The following MKI67 variants were observed in gnomAD, a reference collection of about 807,000 sequenced individuals.
MKI67 encodes the protein proliferation marker protein Ki-67.
MKI67 carries 152 observed loss-of-function variants against 233.5 expected under a neutral mutation model. That is an observed-to-expected ratio of 0.65 (90% CI 0.57 to 0.74). The LOEUF is 0.74. Ranked by LOEUF, MKI67 falls within the 30% of genes least tolerant of loss-of-function variation. The pLI, the probability that MKI67 is intolerant of heterozygous loss-of-function variation, is 0.00. For missense variants in MKI67, 3,940 were observed against 3,885.2 expected, an observed-to-expected ratio of 1.01 and a Z score of -0.37; for synonymous variants, 1,465 against 1,418.5, an observed-to-expected ratio of 1.03 and a Z score of -0.74.
At position 128,105,298 on chromosome 10, in the gene MKI67, G is replaced by A; in HGVS notation, c.6542C>T (p.Pro2181Leu). The stretch of plus-strand genomic sequence containing the variant: ...TTGGGCTTTTCCCTTAGGAGTTCTT[G>A]GCTGCCTCTTGCTACCAGTTACACT... The part of the protein sequence containing the change: ...AASVTGSKRQ[P>L]RTPKGKAQPL... Residue 2181 changes from proline (P) to leucine (L), a missense_variant, in exon 13 of 15, where the codon CCA becomes CTA. By Grantham distance (98) the Pro-to-Leu change is moderately conservative (BLOSUM62 -3). Transcript: ENST00000368654. 4 of 1,614,092 alleles carry A rather than the reference G, an allele frequency of 2.5e-6. No individual in the cohort carries two copies. In the East Asian group the frequency reaches 8.9e-5, roughly 36 times the overall value.
Position 128,106,317 on chromosome 10 carries a change from T to C in MKI67, c.5523A>G (p.Thr1841=). The change falls in exon 13 of 15, where the codon ACA becomes ACG. Residue 1841 remains threonine, a synonymous_variant. Transcript: ENST00000368654. ...CAGTCGTGGGGTTATCAGTGCATGG[T>C]GTCTGGAAAAGCTCTCTGAAGCCAG... ...ELTGFRELFQ[T]PCTDNPTTDE... is the part of the protein sequence containing the mutation. The C allele has an allele frequency of 6.2e-7, 1 of 1,614,032 alleles. No individual in the cohort carries two copies. The highest frequency in any genetic ancestry group is 1.3e-5 in the African/African-American group (1 of 74,962).
At chr10:128,117,774 T>C (rs1852838589) in intron 5 of MKI67, among the ~76,000 whole-genome samples, 1 of 152,258 alleles carries the variant, frequency 6.6e-6, no homozygotes, top group South Asian at 2.1e-4. Context: ...AAATTATGAA[T>C]ATGTAAAGTA....
chr10:128,107,832 A>G lies in MKI67; in HGVS notation c.4008T>C (p.Pro1336=), dbSNP rs776287862. The G allele has an allele frequency of 3.1e-6, 5 of 1,613,254 alleles. No individual in the cohort carries two copies. The African/African-American group carries it at 4.0e-5, about 13-fold the overall frequency. The change falls in exon 13 of 15, where the codon CCT becomes CCC. Residue 1336 remains proline, a synonymous_variant. Coordinates refer to ENST00000368654, the MANE Select transcript of MKI67 (RefSeq NM_002417.5). ...LTGSKRRPQT[P]KEEAQALEDL... ...CTTCCAGAGCCTGGGCCTCTTCCTTAGGAGTTTGTGGCCGTCTCTTGCTGC... is the reference window on the plus strand; with the variant it reads ...CTTCCAGAGCCTGGGCCTCTTCCTTGGGAGTTTGTGGCCGTCTCTTGCTGC...
In MKI67 at chr10:128,110,508, T is replaced by C. The variant is rs761489700; in HGVS notation, c.2286A>G (p.Pro762=). 20 of 1,564,102 alleles carry C rather than the reference T, an allele frequency of 1.3e-5. 2 individuals carry two copies. The South Asian group carries it at 2.1e-4, about 16-fold the overall frequency. ...LSGIAEMFKT[P]VKEQPQLTST... ...TTGTCAACTGCGGTTGCTCCTTCAC[T>C]GGGGTCTTGAACATTTCAGCTATTC... The change falls in exon 12 of 15, where the codon CCA becomes CCG. Residue 762 remains proline, a synonymous_variant. Coordinates refer to ENST00000368654, the MANE Select transcript of MKI67 (RefSeq NM_002417.5).
In MKI67 at chr10:128,099,261, T is replaced by C; in HGVS notation, c.9706-6A>G. ...ACACACACATTGTCCTCAGCCTGTG[T>C]GGGAAGAAAAAAAATAGAACTCTTA... On this transcript the variant is annotated splice_polypyrimidine_tract_variant and splice_region_variant and intron_variant, in intron 14 of 14. Coordinates refer to ENST00000368654, the MANE Select transcript of MKI67 (RefSeq NM_002417.5). 1 of 1,609,002 alleles carries C rather than the reference T, an allele frequency of 6.2e-7. No individual in the cohort carries two copies. The highest frequency in any genetic ancestry group is 1.3e-5 in the African/African-American group (1 of 74,734).
chr10:128,101,701 C>A lies in MKI67; in HGVS notation c.9262G>T (p.Gly3088Ter). Residue 3088 changes from glycine to a stop codon, truncating the protein, a stop_gained and splice_region_variant, in exon 14 of 15, where the codon GGA (glycine) becomes TGA (stop). Transcript: ENST00000368654. LOFTEE classifies it high-confidence loss of function. ...KLQDSVPENKGISLRSRRQNK... is the reference protein window; with the variant it reads ...KLQDSVPENK The stretch of plus-strand genomic sequence containing the variant: ...TGGCGTCTGGAGCGCAGGGATATTC[C>A]CTAAAGAAATGAGAAGACATCCACA... 6.4e-7 allele frequency: 1 copy of A among 1,568,570 alleles called. No individual in the cohort carries two copies. The highest frequency in any genetic ancestry group is 8.6e-7 in the Non-Finnish European group (1 of 1,162,146).
intron 5 of MKI67, among the ~76,000 whole-genome samples, chr10:128,117,356 C>G (rs1247908416): frequency 6.6e-6 from 1 of 152,216 alleles, no homozygotes; most frequent in Non-Finnish European, 1.5e-5. Context: ...TAGATTCACC[C>G]TAGGTAAATT....
rs1379263417 is a variant in MKI67 at position 128,105,637 on chromosome 10, T to TCCTTAGGTGTTCTTGGCCA, written c.6184_6202dup (p.Glu2068ValfsTer6). On this transcript the variant is annotated stop_gained and frameshift_variant, in exon 13 of 15. Transcript: ENST00000368654. LOFTEE classifies it high-confidence loss of function. ...CAGGTCTTCTAGTGATTGGGCCTCT[T>TCCTTAGGTGTTCTTGGCCA]CCTTAGGTGTTCTTGGCCACCTCTC... 15 of 1,613,354 alleles carry TCCTTAGGTGTTCTTGGCCA rather than the reference T, an allele frequency of 9.3e-6. No homozygotes were observed. The highest frequency in any genetic ancestry group is 1.3e-5 in the Non-Finnish European group (15 of 1,179,878).
In MKI67 at chr10:128,106,956, G is replaced by A; in HGVS notation, c.4884C>T (p.Ser1628=). 5 of 1,614,134 alleles carry A rather than the reference G, an allele frequency of 3.1e-6. No individual in the cohort carries two copies. Among genetic ancestry groups the A allele is most frequent in the East Asian group, 2.2e-5 (1 of 44,868 alleles). ...SQPDPDKNPA[S]SKRRLKTSLG... ...GGGATGTCTTGAGCCGTCGCTTGGAGCTTGCTGGGTTTTTGTCTGGGTCTG... is the reference window on the plus strand; with the variant it reads ...GGGATGTCTTGAGCCGTCGCTTGGAACTTGCTGGGTTTTTGTCTGGGTCTG... Residue 1628 remains serine, a synonymous_variant, in exon 13 of 15, where the codon AGC becomes AGT. Coordinates refer to ENST00000368654, the MANE Select transcript of MKI67 (RefSeq NM_002417.5).
chr10:128,105,216 G>C lies in MKI67; in HGVS notation c.6624C>G (p.Asp2208Glu), dbSNP rs755971123. The C allele has an allele frequency of 1.7e-5, 28 of 1,613,658 alleles. No individual in the cohort carries two copies. In the South Asian group the frequency reaches 2.4e-4, roughly 14 times the overall value. ...KELFQTPICT[D>E]KPTTHEKTTK... The stretch of plus-strand genomic sequence containing the variant: ...TAGTTTTCTCATGAGTCGTGGGCTT[G>C]TCAGTGCATATTGGTGTCTGGAAGA... Residue 2208 changes from aspartate (D) to glutamate (E), a missense_variant, in exon 13 of 15, where the codon GAC becomes GAG. Coordinates refer to ENST00000368654, the MANE Select transcript of MKI67 (RefSeq NM_002417.5).
chr10:128,105,692 G>A lies in MKI67; in HGVS notation c.6148C>T (p.Leu2050=), dbSNP rs748999791. 1.6e-5 allele frequency: 26 copies of A among 1,614,072 alleles called. No homozygotes were observed. Among genetic ancestry groups the A allele is most frequent in the Non-Finnish European group, 2.1e-5 (25 of 1,180,028 alleles). Residue 2050 remains leucine, a synonymous_variant, in exon 13 of 15, where the codon CTG becomes TTG. Transcript: ENST00000368654. ...KAFKESAKQM[L]DPANYGTGME... ...CCAGTTCCATAGTTTGCTGGGTCCAGCATCTGCTTTGCAGATTCCTTAAAC... is the reference window on the plus strand; with the variant it reads ...CCAGTTCCATAGTTTGCTGGGTCCAACATCTGCTTTGCAGATTCCTTAAAC...
At chr10:128,112,499 G>C in intron 8 of MKI67, 54 bp from the exon 9 acceptor site, 1 of 1,511,118 alleles carries the variant, frequency 6.6e-7, no homozygotes, top group South Asian at 1.2e-5. Flanking sequence ...AACATCTCTG[G>C]AATGACTGAT....
At chr10:128,113,398 G>A (rs769341201) in intron 8 of MKI67, 29 bp downstream of exon 8, 58 of 1,611,592 alleles carry the variant, frequency 3.6e-5, no homozygotes, top group Middle Eastern at 3.3e-4. Context: ...GCCACTGGGC[G>A]TGAATGGGAT....
At chr10:128,099,654 C>A (rs546233259) in intron 14 of MKI67, among the ~76,000 whole-genome samples, 1 of 152,344 alleles carries the variant, frequency 6.6e-6, no homozygotes, top group East Asian at 1.9e-4. Context: ...CAGAAGCATG[C>A]CCAACTTGCA....
rs1394844417 is a variant in MKI67, at chr10:128,104,671, G to A, written c.7169C>T (p.Pro2390Leu). 8.7e-6 allele frequency: 14 copies of A among 1,613,822 alleles called. No individual in the cohort carries two copies. Among genetic ancestry groups the A allele is most frequent in the Non-Finnish European group, 1.2e-5 (14 of 1,180,002 alleles). Reference sequence around the variant, plus strand: ...TTTCTCATCACTTACTGCTGGTTTTGGTGTGTCCATGGCTTTGCCTGCTGA... The same window carrying A: ...TTTCTCATCACTTACTGCTGGTTTTAGTGTGTCCATGGCTTTGCCTGCTGA... ...TPSAGKAMDT[P>L]KPAVSDEKNI... The change falls in exon 13 of 15, where the codon CCA becomes CTA. Residue 2390 changes from proline (P) to leucine (L), a missense_variant. By Grantham distance (98) the Pro-to-Leu change is moderately conservative (BLOSUM62 -3). Coordinates refer to ENST00000368654, the MANE Select transcript of MKI67 (RefSeq NM_002417.5).
chr10:128,123,031 T>A, intron 3 of MKI67, 35 bp from the exon 4 acceptor site: 2 of 1,571,996 alleles, frequency 1.3e-6, no homozygotes, highest in Non-Finnish European at 1.8e-6. Context: ...ATGTAACTAA[T>A]GAACAGATTA....
chr10:128,122,572 TAAA>T (rs1852970875), intron 4 of MKI67, among the ~76,000 whole-genome samples: 1 of 152,036 alleles, frequency 6.6e-6, no homozygotes, highest in Non-Finnish European at 1.5e-5. Context: ...TGCTTTAAAA[TAAA>T]AAAGAATAGA....
At chr10:128,100,668 T>C (rs867587807) in intron 14 of MKI67, among the ~76,000 whole-genome samples, 1 of 152,230 alleles carries the variant, frequency 6.6e-6, no homozygotes, top group African/African-American at 2.4e-5. Flanking sequence ...CACATGCTTG[T>C]AATTATGAGT....
At position 128,103,435 on chromosome 10, in the gene MKI67, C is replaced by A; in HGVS notation, c.8405G>T (p.Gly2802Val). The change falls in exon 13 of 15, where the codon GGC (glycine) becomes GTC (valine). Residue 2802 changes from glycine to valine, a missense_variant. By Grantham distance (109) the Gly-to-Val change is moderately radical. Transcript: ENST00000368654. ...ESAQAIEDLA[G>V]FKDPAAGHTE... The stretch of plus-strand genomic sequence containing the variant: ...GTGACCTGCTGCTGGGTCTTTGAAG[C>A]CAGCTAGGTCTTCTATGGCTTGGGC... The A allele has an allele frequency of 1.2e-6, 2 of 1,613,760 alleles. No individual in the cohort carries two copies. The highest frequency in any genetic ancestry group is 1.7e-6 in the Non-Finnish European group (2 of 1,179,926).
Sources: gnomAD v4.1 joint callset for allele counts (sites outside exome capture counted in the v4.1 genomes callset) on GRCh38, gnomAD v4.1.1 for gene constraint, MANE v1.5 for transcripts, NCBI Gene and HGNC (gene_info 2026-07-23, HGNC 2026-07-21) for gene names.